Variants in EDAR observed in about 807,000 individuals in gnomAD.
EDAR encodes tumor necrosis factor receptor superfamily member EDAR.
A neutral mutation model predicts 51.3 loss-of-function variants in EDAR; 38 were observed. The observed-to-expected ratio is 0.74, with a 90% CI of 0.57 to 0.97. The LOEUF is 0.97. EDAR is among the 50% of genes least tolerant of loss of function. The pLI is 0.00. For missense variants in EDAR, 528 were observed against 595.0 expected, an observed-to-expected ratio of 0.89 and a Z score of 1.17; for synonymous variants, 227 against 242.1, an observed-to-expected ratio of 0.94 and a Z score of 0.58.
chr2:108,929,350 G>A lies in EDAR; in HGVS notation c.204C>T (p.Asp68=), dbSNP rs1697322228. The A allele has an allele frequency of 2.5e-6, 4 of 1,614,044 alleles. No homozygotes were observed. Among genetic ancestry groups the A allele is most frequent in the Non-Finnish European group, 3.4e-6 (4 of 1,180,056 alleles). The change falls in exon 4 of 12, where the codon GAC becomes GAT. Residue 68 remains aspartate (D), a synonymous_variant. Transcript: ENST00000258443. ...LSCGYGTKDE[D]YGCVPCPAEK... ...CCGCCGGGCAGGGGACGCAGCCGTA[G>A]TCCTCGTCTTTGGTGCCGTAGCCAC...
intron 5 of EDAR, among the ~76,000 whole-genome samples, chr2:108,914,120 C>G (rs1696984442): frequency 6.6e-6 from 1 of 151,728 alleles, no homozygotes; most frequent in Non-Finnish European, 1.5e-5. Context: ...ATTAGCCAGG[C>G]ATGATGGCGC....
At chr2:108,974,055 C>A (rs6708348) in intron 1 of EDAR, among the ~76,000 whole-genome samples, 29,963 of 151,774 alleles carry the variant, frequency 0.2, 4,470 homozygotes, top group East Asian at 0.84. Flanking sequence ...ATTGGTCAGG[C>A]GCGGTGGCTC....
At chr2:108,906,400 A>G in intron 10 of EDAR, 32 bp from the exon 11 acceptor site, 2 of 1,613,052 alleles carry the variant, frequency 1.2e-6, no homozygotes, top group South Asian at 1.1e-5. Context: ...TTTCATCTCC[A>G]GAAAGGGGCA....
intron 4 of EDAR, among the ~76,000 whole-genome samples, chr2:108,926,482 C>A (rs1697257508): frequency 6.6e-6 from 1 of 152,218 alleles, no homozygotes; most frequent in South Asian, 2.1e-4. Flanking sequence ...GCCGCAGATT[C>A]CCAGATGTTC....
intron 1 of EDAR, among the ~76,000 whole-genome samples, chr2:108,977,462 C>T (rs1294691135): frequency 1.3e-5 from 2 of 152,074 alleles, no homozygotes; most frequent in Non-Finnish European, 2.9e-5. Flanking sequence ...AGTAGAGACG[C>T]GGTTTCACTG....
intron 1 of EDAR, among the ~76,000 whole-genome samples, chr2:108,947,991 A>C (rs924972969): frequency 2.6e-5 from 4 of 152,214 alleles, no homozygotes; most frequent in African/African-American, 9.6e-5. Flanking sequence ...CATAAGTTCC[A>C]ATTTCAAACC....
At chr2:108,952,688 C>T (rs915626635) in intron 1 of EDAR, among the ~76,000 whole-genome samples, 4 of 152,152 alleles carry the variant, frequency 2.6e-5, no homozygotes, top group Non-Finnish European at 4.4e-5. Context: ...TTCCAACATC[C>T]GGATTATCCT....
chr2:108,903,608 A>G (rs1390458351), intron 11 of EDAR, among the ~76,000 whole-genome samples: 3 of 152,170 alleles, frequency 2.0e-5, no homozygotes, highest in South Asian at 2.1e-4. Flanking sequence ...AAATATGCCA[A>G]ACTGATTTTT....
chr2:108,926,892 C>A (rs1243367704), intron 4 of EDAR, among the ~76,000 whole-genome samples: 1 of 152,214 alleles, frequency 6.6e-6, no homozygotes, highest in Non-Finnish European at 1.5e-5. Flanking sequence ...TCACACCGGC[C>A]TGCCAAGACT....
chr2:108,956,663 A>G (rs1697930776), intron 1 of EDAR, among the ~76,000 whole-genome samples: 1 of 152,174 alleles, frequency 6.6e-6, no homozygotes, highest in Non-Finnish European at 1.5e-5. Flanking sequence ...CCACCTTCTT[A>G]TGCCACCAGA....
intron 11 of EDAR, among the ~76,000 whole-genome samples, chr2:108,901,450 G>A (rs550432110): frequency 9.2e-5 from 14 of 152,174 alleles, no homozygotes; most frequent in South Asian, 6.2e-4. Context: ...AATGTACATA[G>A]AAGGAAATAA....
chr2:108,986,099 C>T, intron 1 of EDAR, among the ~76,000 whole-genome samples: 1 of 152,136 alleles, frequency 6.6e-6, no homozygotes, highest in East Asian at 1.9e-4. Context: ...TAAATATGGT[C>T]AAGCTCATTT....
At chr2:108,972,965 G>GTTTATTTTTTTTTTTA (rs1698262394) in intron 1 of EDAR, among the ~76,000 whole-genome samples, 1 of 152,044 alleles carries the variant, frequency 6.6e-6, no homozygotes, top group Admixed American at 6.5e-5. Context: ...CTCAGCAGGT[G>GTTTATTTTTTTTTTTA]TTTATTTTTT....
In EDAR at chr2:108,896,997, C is replaced by T; in HGVS notation, c.1257G>A (p.Glu419=). The change falls in exon 12 of 12, where the codon GAG becomes GAA. Residue 419 remains glutamate (E), a synonymous_variant. Transcript: ENST00000258443. The part of the protein sequence containing the change: ...PELLTKLVQI[E]RLDAVESLCA... ...ACAAGGACTCCACAGCATCCAGCCG[C>T]TCAATCTGCACCAGTTTTGTGAGTA... The T allele has an allele frequency of 1.2e-6, 2 of 1,613,964 alleles. No homozygotes were observed. Among genetic ancestry groups the T allele is most frequent in the Non-Finnish European group, 1.7e-6 (2 of 1,179,938 alleles).
In EDAR at chr2:108,899,050, C is replaced by T. The variant is rs13009728; in HGVS notation, c.1025-1821G>A. Among the ~76,000 whole-genome samples, 990 of 152,268 alleles carry T rather than the reference C, an allele frequency of 6.5e-3. 5 individuals carry two copies. The highest frequency in any genetic ancestry group is 0.01 in the Non-Finnish European group (698 of 68,010). On this transcript the variant is annotated intron_variant, in intron 11 of 11. Transcript: ENST00000258443. Reference sequence around the variant, plus strand: ...AGAACTCTCCAAATTTGTAAAGAGACGTAAGTCTACAGATTCAAGAAGATA... The same window carrying T: ...AGAACTCTCCAAATTTGTAAAGAGATGTAAGTCTACAGATTCAAGAAGATA...
chr2:108,918,286 G>GCC, intron 5 of EDAR, among the ~76,000 whole-genome samples: 1 of 152,314 alleles, frequency 6.6e-6, no homozygotes, highest in East Asian at 1.9e-4. Flanking sequence ...CAGGGTCTAT[G>GCC]CCTGTCTACT....
chr2:108,988,702 A>G (rs1163678547), intron 1 of EDAR, among the ~76,000 whole-genome samples: 1 of 152,188 alleles, frequency 6.6e-6, no homozygotes, highest in African/African-American at 2.4e-5. Context: ...TGTGAAGCAC[A>G]CACAGAATTT....
intron 1 of EDAR, among the ~76,000 whole-genome samples, chr2:108,976,297 G>A (rs1330514021): frequency 6.6e-6 from 1 of 152,190 alleles, no homozygotes; most frequent in Non-Finnish European, 1.5e-5. Context: ...ACTGAGAGTT[G>A]TCAGATGTTT....
intron 1 of EDAR, among the ~76,000 whole-genome samples, chr2:108,981,040 A>G (rs1698411186): frequency 6.6e-6 from 1 of 152,194 alleles, no homozygotes; most frequent in Non-Finnish European, 1.5e-5. Context: ...GTGAGTGCAT[A>G]CAGAGCATGA....
Sources: gnomAD v4.1 joint callset for allele counts (sites outside exome capture counted in the v4.1 genomes callset) on GRCh38, gnomAD v4.1.1 for gene constraint, MANE v1.5 for transcripts, NCBI Gene and HGNC (gene_info 2026-07-23, HGNC 2026-07-21) for gene names.